Variants in SRGAP3 observed in about 807,000 individuals in gnomAD.
SRGAP3 encodes SLIT-ROBO Rho GTPase-activating protein 3.
SRGAP3 carries 39 observed loss-of-function variants against 121.1 expected under a neutral mutation model. The observed-to-expected ratio is 0.32, with a 90% CI of 0.25 to 0.42. The LOEUF (loss-of-function observed/expected upper bound fraction) is 0.42. Ranked by LOEUF, SRGAP3 falls within the 10% of genes least tolerant of loss-of-function variation. The pLI, the probability that SRGAP3 is intolerant of heterozygous loss-of-function variation, is 1.00. For synonymous variants in SRGAP3, 601 were observed against 570.0 expected, an observed-to-expected ratio of 1.05 and a Z score of -0.77; for missense variants, 1,213 against 1,470.6, an observed-to-expected ratio of 0.82 and a Z score of 2.86.
chr3:9,235,228 G>GGCCTATGATTATTTTCCTATCA (rs1291668867), intron 1 of SRGAP3, among the ~76,000 whole-genome samples: 1 of 152,124 alleles, frequency 6.6e-6, no homozygotes, highest in Non-Finnish European at 1.5e-5. Flanking sequence ...TCAGCCTATA[G>GGCCTATGATTATTTTCCTATCA]GCCTATGATT....
intron 3 of SRGAP3, among the ~76,000 whole-genome samples, chr3:9,088,087 T>C (rs1947577849): frequency 6.6e-6 from 1 of 152,198 alleles, no homozygotes; most frequent in Admixed American, 6.5e-5. Context: ...AACCAAACTT[T>C]TCACCAGGAA....
upstream of SRGAP3, among the ~76,000 whole-genome samples, chr3:9,251,051 C>G (rs543011170): frequency 7.9e-5 from 12 of 152,282 alleles, no homozygotes; most frequent in South Asian, 2.5e-3. Context: ...TGTTTGGACT[C>G]AGAAATGAAT....
intron 17 of SRGAP3, among the ~76,000 whole-genome samples, chr3:9,012,748 G>A (rs1943438041): frequency 6.6e-6 from 1 of 152,212 alleles, no homozygotes; most frequent in Non-Finnish European, 1.5e-5. Flanking sequence ...GCCAGTTAAA[G>A]CATTGCATCT....
At chr3:9,032,859 T>G (rs1379721754) in intron 11 of SRGAP3, 107 bp from the exon 12 acceptor site, 1 of 1,001,248 alleles carries the variant, frequency 1.0e-6, no homozygotes, top group East Asian at 2.5e-5. Context: ...AAAATGTAAA[T>G]GGAAGCCCCT....
intron 11 of SRGAP3, among the ~76,000 whole-genome samples, chr3:9,033,260 T>A (rs974778433): frequency 6.6e-6 from 1 of 152,234 alleles, no homozygotes; most frequent in Non-Finnish European, 1.5e-5. Flanking sequence ...GACTGATCTT[T>A]ACTTCATTGA....
intron 3 of SRGAP3, among the ~76,000 whole-genome samples, chr3:9,303,287 T>C (rs948249663): frequency 6.6e-6 from 1 of 152,100 alleles, no homozygotes; most frequent in East Asian, 1.9e-4. Flanking sequence ...TAGCTGGGCA[T>C]GGTGGCGCAT....
chr3:9,076,070 C>A (rs965375363), intron 4 of SRGAP3, among the ~76,000 whole-genome samples: 1 of 152,170 alleles, frequency 6.6e-6, no homozygotes, highest in Non-Finnish European at 1.5e-5. Context: ...AAATATGACA[C>A]AAGCAGAAGC....
chr3:9,275,117 A>AATGT (rs1954547576), intron 3 of SRGAP3, among the ~76,000 whole-genome samples: 1 of 152,164 alleles, frequency 6.6e-6, no homozygotes, highest in South Asian at 2.1e-4. Context: ...ATTAACAAGA[A>AATGT]ATGTCTATTT....
intron 10 of SRGAP3, among the ~76,000 whole-genome samples, chr3:9,043,052 T>C (rs574997860): frequency 9.2e-4 from 140 of 152,282 alleles, no homozygotes; most frequent in African/African-American, 3.1e-3. Context: ...GATCACCCTA[T>C]CTAAAGCAGG....
At chr3:9,183,244 G>A (rs983986382) in intron 1 of SRGAP3, among the ~76,000 whole-genome samples, 2 of 152,206 alleles carry the variant, frequency 1.3e-5, no homozygotes, top group Non-Finnish European at 2.9e-5. Flanking sequence ...TGGCAGGGAA[G>A]AGTGTGCACA....
chr3:9,040,752 T>A (rs1472959760), intron 10 of SRGAP3, among the ~76,000 whole-genome samples: 1 of 152,016 alleles, frequency 6.6e-6, no homozygotes, highest in Non-Finnish European at 1.5e-5. Flanking sequence ...AGAGATGAGG[T>A]CTTACTATGT....
rs57948986 is a variant in SRGAP3 at position 9,354,820 on chromosome 3, T to C, written n.214+8020A>G. On this transcript the variant is annotated intron_variant and non_coding_transcript_variant, in intron 1 of 3. Transcript: ENST00000490889. Reference sequence around the variant, plus strand: ...ATCTGATATGAATCATCACACTTAATCATATGCTTGTTTACTCTTTAGTTT... The same window carrying C: ...ATCTGATATGAATCATCACACTTAACCATATGCTTGTTTACTCTTTAGTTT... Among the ~76,000 whole-genome samples, 5,106 of 152,160 alleles carry C rather than the reference T, an allele frequency of 0.034. 374 individuals carry two copies. In the East Asian group the frequency reaches 0.35, roughly 10 times the overall value.
chr3:9,262,095 A>T (rs1174783209), intron 3 of SRGAP3, among the ~76,000 whole-genome samples: 1 of 152,180 alleles, frequency 6.6e-6, no homozygotes. Flanking sequence ...CCAGAATTTC[A>T]TATCCAGCCA....
chr3:9,211,138 G>T (rs1284143206), intron 1 of SRGAP3, among the ~76,000 whole-genome samples: 2 of 152,096 alleles, frequency 1.3e-5, no homozygotes, highest in Admixed American at 6.6e-5. Context: ...AAGGTGTTGA[G>T]GGGGGAGAAG....
rs551324575 is a variant in SRGAP3, at chr3:9,039,410, C to G, written c.1409-1320G>C. Among the ~76,000 whole-genome samples, 47 of 152,338 alleles carry G rather than the reference C, an allele frequency of 3.1e-4. No homozygotes were observed. In the South Asian group the frequency reaches 8.5e-3, roughly 28 times the overall value. Reference sequence around the variant, plus strand: ...AAGTGCTTACCAAGGACTCCCTACTCTATGTCCAGATCTTACGCTTCCCTA... The same window carrying G: ...AAGTGCTTACCAAGGACTCCCTACTGTATGTCCAGATCTTACGCTTCCCTA... On this transcript the variant is annotated intron_variant, in intron 10 of 21. Transcript: ENST00000383836.
At chr3:9,156,321 C>G (rs954128020) in intron 1 of SRGAP3, among the ~76,000 whole-genome samples, 1 of 152,200 alleles carries the variant, frequency 6.6e-6, no homozygotes, top group Non-Finnish European at 1.5e-5. Flanking sequence ...CTCTCAATCT[C>G]ACTCTCTGCT....
intron 1 of SRGAP3, among the ~76,000 whole-genome samples, chr3:9,163,931 C>G (rs1478389939): frequency 6.6e-6 from 1 of 151,290 alleles, no homozygotes; most frequent in African/African-American, 2.4e-5. Context: ...TTCCAGGCAC[C>G]GTATGAAGCT....
chr3:9,341,620 C>G (rs997522001), intron 1 of SRGAP3, among the ~76,000 whole-genome samples: 3 of 152,162 alleles, frequency 2.0e-5, no homozygotes, highest in Non-Finnish European at 4.4e-5. Context: ...GGCTGGCAGA[C>G]AACTTGGTCA....
intron 1 of SRGAP3, among the ~76,000 whole-genome samples, chr3:9,159,675 A>G (rs1461222519): frequency 6.6e-6 from 1 of 152,180 alleles, no homozygotes; most frequent in Non-Finnish European, 1.5e-5. Context: ...TTAAAATCAT[A>G]ATAATGTTGT....
Sources: gnomAD v4.1 joint callset for allele counts (sites outside exome capture counted in the v4.1 genomes callset) on GRCh38, gnomAD v4.1.1 for gene constraint, MANE v1.5 for transcripts, NCBI Gene and HGNC (gene_info 2026-07-23, HGNC 2026-07-21) for gene names.